SEC14L3: variants seen among roughly 807,000 people sequenced by gnomAD.
The protein encoded by SEC14L3 is SEC14 like lipid binding 3, also known as SEC14-like protein 3.
A neutral mutation model predicts 57.4 loss-of-function variants in SEC14L3; 56 were observed. The observed-to-expected ratio is 0.97, with a 90% CI of 0.79 to 1.22. The LOEUF (loss-of-function observed/expected upper bound fraction) is 1.22. SEC14L3 is among the 50% of genes most tolerant of loss of function. The pLI is 0.00. For synonymous variants in SEC14L3, 173 were observed against 194.4 expected, an observed-to-expected ratio of 0.89 and a Z score of 0.92; for missense variants, 485 against 511.7, an observed-to-expected ratio of 0.95 and a Z score of 0.50.
At position 30,471,914 on chromosome 22, in the gene SEC14L3, G is replaced by A. The variant is rs778509895; in HGVS notation, c.45C>T (p.Thr15=). 6.2e-7 allele frequency: 1 copy of A among 1,612,682 alleles called. No homozygotes were observed. Among genetic ancestry groups the A allele is most frequent in the South Asian group, 1.1e-5 (1 of 90,934 alleles). ...GGGGAGGGGCTCTCACCTTGGCCAGGGTCTCTGCCTGTTTGGGGCTCAGGT... is the reference window on the plus strand; with the variant it reads ...GGGGAGGGGCTCTCACCTTGGCCAGAGTCTCTGCCTGTTTGGGGCTCAGGT... ...VGDLSPKQAE[T]LAKFRENVQD... The change falls in exon 1 of 12, where the codon ACC becomes ACT. Residue 15 remains threonine (T), a synonymous_variant. Transcript: ENST00000215812.
intron 8 of SEC14L3, among the ~76,000 whole-genome samples, chr22:30,463,599 G>A (rs986166437): frequency 4.6e-5 from 7 of 152,176 alleles, no homozygotes; most frequent in African/African-American, 1.7e-4. Flanking sequence ...TTGGGTAGAG[G>A]CAGAGGCTCA....
chr22:30,451,991 CAAAAAAA>C (rs34799395), intron 12 of SEC14L3, among the ~76,000 whole-genome samples: 31 of 33,828 alleles, frequency 9.2e-4, no homozygotes, highest in South Asian at 2.2e-3. Context: ...GACTCCATCT[CAAAAAAA>C]AAAAAAAAAA....
At chr22:30,454,955 C>T (rs192217672), downstream of SEC14L3, among the ~76,000 whole-genome samples, 7,627 of 22,950 alleles carry the variant, frequency 0.33, 1,030 homozygotes, top group African/African-American at 0.51. Context: ...TATTATATAT[C>T]ATATAATAGA....
rs372638148 is a variant in SEC14L3, at chr22:30,466,988, G to A, written c.513C>T (p.Tyr171=). 8.1e-6 allele frequency: 13 copies of A among 1,613,576 alleles called. No homozygotes were observed. Among genetic ancestry groups the A allele is most frequent in the African/African-American group, 2.7e-5 (2 of 74,866 alleles). ...CCCTAGGACTTCTCCTTACCTCCTG[G>A]TACACTTCTACCAGAGGTTTCCAGA... The part of the protein sequence containing the change: ...KHFWKPLVEV[Y]QEFFGLLEEN... The change falls in exon 6 of 12, where the codon TAC becomes TAT. Residue 171 remains tyrosine (Y), a synonymous_variant. Transcript: ENST00000215812.
downstream of SEC14L3, among the ~76,000 whole-genome samples, chr22:30,456,008 T>C (rs944677376): frequency 6.6e-6 from 1 of 152,150 alleles, no homozygotes; most frequent in Non-Finnish European, 1.5e-5. Flanking sequence ...CATTTTGTGT[T>C]ACTATAAAGG....
At chr22:30,454,395 C>A (rs1431697007), downstream of SEC14L3, among the ~76,000 whole-genome samples, 1 of 151,282 alleles carries the variant, frequency 6.6e-6, no homozygotes, top group African/African-American at 2.4e-5. Flanking sequence ...GATATGGAAT[C>A]TCAGTCTATT....
In SEC14L3 at chr22:30,467,094, A is replaced by AAGAAGT; in HGVS notation, c.424-23_424-18dup. ...CTTCCCTAGCTGCAAGGATGAGAGC[A>AAGAAGT]AGAAGTAGTTCTGGAGTTCAGGGTG... On this transcript the variant is annotated splice_polypyrimidine_tract_variant and intron_variant, in intron 5 of 11. Coordinates refer to ENST00000215812, the MANE Select transcript of SEC14L3 (RefSeq NM_174975.5). 6.2e-7 allele frequency: 1 copy of AAGAAGT among 1,613,986 alleles called. No individual in the cohort carries two copies. Among genetic ancestry groups the AAGAAGT allele is most frequent in the Non-Finnish European group, 8.5e-7 (1 of 1,179,886 alleles).
intron 5 of SEC14L3, among the ~76,000 whole-genome samples, chr22:30,468,078 A>G (rs1242160964): frequency 6.6e-6 from 1 of 152,080 alleles, no homozygotes; most frequent in African/African-American, 2.4e-5. Flanking sequence ...CAGGAGATCG[A>G]GACCATCCCG....
chr22:30,456,391 T>C (rs373508131), downstream of SEC14L3, among the ~76,000 whole-genome samples: 13 of 151,802 alleles, frequency 8.6e-5, no homozygotes, highest in East Asian at 1.4e-3. Flanking sequence ...ACTTGGCTCA[T>C]TGTTCTGCAG....
chr22:30,459,910 T>A lies in SEC14L3; in HGVS notation c.*111A>T. The A allele has an allele frequency of 6.7e-7, 1 of 1,487,872 alleles. No homozygotes were observed. Among genetic ancestry groups the A allele is most frequent in the South Asian group, 1.4e-5 (1 of 73,800 alleles). 92.2% of individuals were successfully genotyped at this position (1,487,872 alleles called of 1,614,324 possible). ...CCAGGGCATCTCTTTCTGTACTCAC[T>A]AACGTCACAGAGTCAGGAGGACTAA... On this transcript the variant is annotated 3_prime_UTR_variant, in exon 12 of 12. Transcript: ENST00000215812.
At chr22:30,452,471 C>T (rs1935007082) in intron 12 of SEC14L3, among the ~76,000 whole-genome samples, 1 of 151,826 alleles carries the variant, frequency 6.6e-6, no homozygotes, top group South Asian at 2.1e-4. Flanking sequence ...GTCTCAAACT[C>T]CTGACCTCGT....
intron 4 of SEC14L3, among the ~76,000 whole-genome samples, chr22:30,469,481 G>T (rs1401227087): frequency 6.6e-6 from 1 of 152,220 alleles, no homozygotes; most frequent in Non-Finnish European, 1.5e-5. Flanking sequence ...GCAAAGCAGA[G>T]TGCCCAGATC....
Position 30,461,631 on chromosome 22 carries a change from C to G in SEC14L3, c.835G>C (p.Glu279Gln), listed in dbSNP as rs769756699. Residue 279 changes from glutamate to glutamine, a missense_variant, in exon 10 of 12, where the codon GAG becomes CAG. Transcript: ENST00000215812. ...YVRDQVKTQY[E>Q]HSVQINRGSS... ...CCGCGGTTGATCTGCACCGAGTGCTCGTACTGAGTCTTCACCTGGTCCCGC... is the reference window on the plus strand; with the variant it reads ...CCGCGGTTGATCTGCACCGAGTGCTGGTACTGAGTCTTCACCTGGTCCCGC... The G allele has an allele frequency of 5.6e-6, 9 of 1,613,780 alleles. No individual in the cohort carries two copies. The highest frequency in any genetic ancestry group is 3.3e-5 in the South Asian group (3 of 91,060).
chr22:30,471,182 G>A (rs1437806245), intron 1 of SEC14L3: 1 of 397,578 alleles, frequency 2.5e-6, no homozygotes, highest in South Asian at 1.9e-5. Flanking sequence ...CTACTCAGGA[G>A]GCTGAGGCAG....
At chr22:30,466,101 A>G (rs75946823) in intron 7 of SEC14L3, among the ~76,000 whole-genome samples, 6 of 152,214 alleles carry the variant, frequency 3.9e-5, no homozygotes, top group Admixed American at 2.0e-4. Flanking sequence ...AGGAGAAATA[A>G]GGGAGGATCC....
chr22:30,467,400 T>TATAAATATAAACTG (rs1347663317), intron 5 of SEC14L3, among the ~76,000 whole-genome samples: 1 of 151,982 alleles, frequency 6.6e-6, no homozygotes, highest in Non-Finnish European at 1.5e-5. Context: ...TTTTCCATAA[T>TATAAATATAAACTG]ATAAATATAA....
chr22:30,458,053 C>T (rs183061720), downstream of SEC14L3, among the ~76,000 whole-genome samples: 4 of 152,190 alleles, frequency 2.6e-5, no homozygotes, highest in Admixed American at 2.0e-4. Flanking sequence ...CATAGCCTGC[C>T]CACGGATGAG....
intron 8 of SEC14L3, among the ~76,000 whole-genome samples, chr22:30,464,022 A>G (rs963760073): frequency 2.6e-5 from 4 of 152,234 alleles, no homozygotes; most frequent in Admixed American, 2.6e-4. Flanking sequence ...AGATAAGTTT[A>G]TAATCTACTT....
At chr22:30,466,948 G>T (rs1222496375) in intron 6 of SEC14L3, 34 bp downstream of exon 6, 1 of 1,587,900 alleles carries the variant, frequency 6.3e-7, no homozygotes, top group South Asian at 1.1e-5. Context: ...GGTCATCAAA[G>T]CAAGCGGGGG....
Sources: allele counts gnomAD v4.1 joint callset (sites outside exome capture counted in the v4.1 genomes callset), GRCh38; gene constraint gnomAD v4.1.1; transcripts MANE v1.5; gene names NCBI Gene and HGNC (gene_info 2026-07-23, HGNC 2026-07-21).